SGCZ: variants seen among roughly 807,000 people sequenced by gnomAD.
SGCZ encodes zeta-sarcoglycan.
A neutral mutation model predicts 41.3 loss-of-function variants in SGCZ; 40 were observed. That is an observed-to-expected ratio of 0.97 (90% CI 0.75 to 1.26). The LOEUF is 1.26. Ranked by LOEUF, SGCZ falls within the 50% of genes most tolerant of loss-of-function variation. The pLI, the probability that SGCZ is intolerant of heterozygous loss-of-function variation, is 0.00. For synonymous variants in SGCZ, 206 were observed against 137.5 expected, an observed-to-expected ratio of 1.50 and a Z score of -3.49; for missense variants, 552 against 369.8, an observed-to-expected ratio of 1.49 and a Z score of -4.04.
chr8:14,222,465 G>A (rs1027949159), intron 4 of SGCZ, among the ~76,000 whole-genome samples: 1 of 152,008 alleles, frequency 6.6e-6, no homozygotes, highest in African/African-American at 2.4e-5. Context: ...ACCGTGCCCG[G>A]CCACTTCAGT....
intron 2 of SGCZ, among the ~76,000 whole-genome samples, chr8:14,368,494 C>T (rs915058819): frequency 6.6e-6 from 1 of 151,952 alleles, no homozygotes; most frequent in Non-Finnish European, 1.5e-5. Context: ...AGACCTTAGT[C>T]CTCCATACTA....
chr8:14,628,143 T>A (rs1445828884), intron 1 of SGCZ, among the ~76,000 whole-genome samples: 3 of 152,038 alleles, frequency 2.0e-5, no homozygotes, highest in Non-Finnish European at 4.4e-5. Flanking sequence ...GGCCATTTAA[T>A]TTCACAAAAA....
intron 5 of SGCZ, among the ~76,000 whole-genome samples, chr8:14,158,250 T>G (rs1803936208): frequency 6.6e-6 from 1 of 152,158 alleles, no homozygotes; most frequent in South Asian, 2.1e-4. Flanking sequence ...TTTTCATACT[T>G]TAGATTCTAG....
intron 2 of SGCZ, among the ~76,000 whole-genome samples, chr8:14,422,976 C>A (rs1048382132): frequency 6.6e-6 from 1 of 151,984 alleles, no homozygotes; most frequent in Non-Finnish European, 1.5e-5. Flanking sequence ...TGCAATGAGC[C>A]ATGATCATGC....
chr8:14,672,792 A>G (rs1808146436), intron 1 of SGCZ, among the ~76,000 whole-genome samples: 1 of 152,112 alleles, frequency 6.6e-6, no homozygotes, highest in African/African-American at 2.4e-5. Context: ...TAGTACTAGT[A>G]AGACCTCTTT....
At chr8:14,461,027 A>T (rs980796308) in intron 2 of SGCZ, among the ~76,000 whole-genome samples, 2 of 152,132 alleles carry the variant, frequency 1.3e-5, no homozygotes, top group African/African-American at 4.8e-5. Flanking sequence ...CTCATCCCAT[A>T]GCACTTGGAG....
At chr8:15,135,721 G>C (rs1216909794) in intron 1 of SGCZ, among the ~76,000 whole-genome samples, 1 of 151,916 alleles carries the variant, frequency 6.6e-6, no homozygotes, top group Non-Finnish European at 1.5e-5. Flanking sequence ...GCAAGCCCCA[G>C]AACTGGGGCT....
intron 2 of SGCZ, among the ~76,000 whole-genome samples, chr8:14,538,194 G>C (rs1353255966): frequency 6.6e-6 from 1 of 151,868 alleles, no homozygotes; most frequent in African/African-American, 2.4e-5. Flanking sequence ...TCCTACATTT[G>C]TATTTGCTAT....
chr8:15,161,554 G>T (rs906464315), intron 1 of SGCZ, among the ~76,000 whole-genome samples: 1 of 152,014 alleles, frequency 6.6e-6, no homozygotes, highest in South Asian at 2.1e-4. Context: ...GTGCTTAATG[G>T]GTCTCTGTGA....
At chr8:14,160,339 G>A (rs1475511796) in intron 5 of SGCZ, among the ~76,000 whole-genome samples, 5 of 152,174 alleles carry the variant, frequency 3.3e-5, no homozygotes, top group African/African-American at 1.2e-4. Flanking sequence ...GCAGATTGCA[G>A]TTGATTGATT....
At chr8:15,096,383 T>C (rs543636258) in intron 1 of SGCZ, among the ~76,000 whole-genome samples, 5 of 152,134 alleles carry the variant, frequency 3.3e-5, no homozygotes, top group Non-Finnish European at 5.9e-5. Context: ...CCACTGCTCC[T>C]AGCCAAGAAA....
chr8:14,558,604 GAGAGAGA>G lies in SGCZ; in HGVS notation c.40-3685_40-3679del, dbSNP rs761831589. 2.8e-3 allele frequency among the ~76,000 whole-genome samples: 429 copies of G among 150,608 alleles called. 5 individuals are homozygous for G. Among genetic ancestry groups the G allele is most frequent in the African/African-American group, 0.01 (412 of 40,680 alleles). On this transcript the variant is annotated intron_variant, in intron 1 of 7. Coordinates refer to ENST00000382080, the MANE Select transcript of SGCZ (RefSeq NM_139167.4). ...AGAGAGAGAGAGAGAGAGAGAGAGA[GAGAGAGA>G]GAATCTTCCATAAATAATTATATGA...
chr8:14,963,723 A>G (rs905482137), intron 1 of SGCZ, among the ~76,000 whole-genome samples: 63 of 152,178 alleles, frequency 4.1e-4, no homozygotes, highest in Non-Finnish European at 4.8e-4. Flanking sequence ...TGGTTGTTAA[A>G]ATTCAAGAAA....
intron 2 of SGCZ, among the ~76,000 whole-genome samples, chr8:14,526,528 T>A (rs17119646): frequency 0.077 from 11,658 of 152,166 alleles, 830 homozygotes; most frequent in African/African-American, 0.19. Context: ...AAAGCACACA[T>A]TGTATACTCC....
chr8:14,194,916 G>A (rs1270568895), intron 4 of SGCZ, among the ~76,000 whole-genome samples: 1 of 152,010 alleles, frequency 6.6e-6, no homozygotes, highest in Non-Finnish European at 1.5e-5. Context: ...ACCTAGCAAT[G>A]CTATGATCTG....
chr8:14,300,502 A>T (rs1162244208), intron 3 of SGCZ, among the ~76,000 whole-genome samples: 3 of 152,034 alleles, frequency 2.0e-5, no homozygotes, highest in African/African-American at 7.2e-5. Context: ...CCTTGGCCAC[A>T]TTACTAAAGC....
At position 15,191,554 on chromosome 8, in the gene SGCZ, A is replaced by G. The variant is rs192965984; in HGVS notation, c.39+46031T>C. The stretch of plus-strand genomic sequence containing the variant: ...AGATCTCAAATTCTCCTTAAATAAC[A>G]TATCTCCACTAATTCATCATTGTTT... On this transcript the variant is annotated intron_variant, in intron 1 of 7. Transcript: ENST00000382080. Among the ~76,000 whole-genome samples the G allele has an allele frequency of 3.3e-3, 498 of 151,858 alleles. 4 individuals carry two copies. The highest frequency in any genetic ancestry group is 0.011 in the African/African-American group (472 of 41,426).
At chr8:14,476,281 G>T (rs1381583041) in intron 2 of SGCZ, among the ~76,000 whole-genome samples, 1 of 152,042 alleles carries the variant, frequency 6.6e-6, no homozygotes, top group East Asian at 1.9e-4. Context: ...ACTGGGACCT[G>T]CCCCAAGAGA....
At chr8:14,409,227 A>G (rs187741929) in intron 2 of SGCZ, among the ~76,000 whole-genome samples, 6 of 152,234 alleles carry the variant, frequency 3.9e-5, no homozygotes, top group Admixed American at 1.3e-4. Context: ...AATTAATATG[A>G]GCATGTATAT....
Sources: gnomAD v4.1 joint callset for allele counts (sites outside exome capture counted in the v4.1 genomes callset) on GRCh38, gnomAD v4.1.1 for gene constraint, MANE v1.5 for transcripts, NCBI Gene and HGNC (gene_info 2026-07-23, HGNC 2026-07-21) for gene names.